The following ARHGEF28 variants were observed in gnomAD, a reference collection of about 807,000 sequenced individuals.
ARHGEF28 encodes Rho guanine nucleotide exchange factor 28.
A neutral mutation model predicts 206.6 loss-of-function variants in ARHGEF28; 152 were observed. That is an observed-to-expected ratio of 0.74 (90% CI 0.64 to 0.84). The LOEUF is 0.84. Ranked by LOEUF, ARHGEF28 falls within the 40% of genes least tolerant of loss-of-function variation. ARHGEF28 has a pLI of 0.00. For missense variants in ARHGEF28, 2,028 were observed against 2,073.2 expected, an observed-to-expected ratio of 0.98 and a Z score of 0.42; for synonymous variants, 763 against 776.4, an observed-to-expected ratio of 0.98 and a Z score of 0.29.
intron 9 of ARHGEF28, among the ~76,000 whole-genome samples, chr5:73,815,052 C>G (rs1756100982): frequency 6.6e-6 from 1 of 151,640 alleles, no homozygotes; most frequent in African/African-American, 2.4e-5. Flanking sequence ...ATTGATTTTT[C>G]TATTTTATTG....
intron 16 of ARHGEF28, among the ~76,000 whole-genome samples, chr5:73,860,935 T>C (rs1759359613): frequency 1.3e-5 from 2 of 152,188 alleles, no homozygotes; most frequent in African/African-American, 4.8e-5. Context: ...CTGCCTCTGC[T>C]ATTTTGCCTG....
chr5:73,824,617 G>A (rs929301185), intron 9 of ARHGEF28, among the ~76,000 whole-genome samples: 4 of 152,032 alleles, frequency 2.6e-5, no homozygotes, highest in Admixed American at 6.6e-5. Context: ...TACAGCATGC[G>A]CCATCACGCC....
At chr5:73,712,195 A>G (rs1749292541) in intron 2 of ARHGEF28, among the ~76,000 whole-genome samples, 1 of 152,072 alleles carries the variant, frequency 6.6e-6, no homozygotes, top group African/African-American at 2.4e-5. Context: ...CTAATATTTT[A>G]TTGATAAGTT....
Position 73,870,069 on chromosome 5 carries a change from A to G in ARHGEF28, c.2426A>G (p.Asp809Gly). ...SPSTESFIME[D>G]VVDSSLWSDL... ...CTTTTCTTTTCTAAACACACATTAG[A>G]TGTTGTGGATTCTTCTCTGTGGAGT... The change falls in exon 21 of 36, where the codon GAT (aspartate) becomes GGT (glycine). Residue 809 changes from aspartate to glycine, a missense_variant and splice_region_variant. Asp to Gly is a moderately conservative substitution (Grantham distance 94, BLOSUM62 -1). Coordinates refer to ENST00000513042, the MANE Select transcript of ARHGEF28 (RefSeq NM_001177693.2). 1.9e-6 allele frequency: 3 copies of G among 1,611,620 alleles called. No individual in the cohort carries two copies. In the East Asian group the frequency reaches 6.7e-5, roughly 36 times the overall value.
intron 35 of ARHGEF28, among the ~76,000 whole-genome samples, chr5:73,912,753 A>T (rs1485259855): frequency 6.6e-6 from 1 of 152,226 alleles, no homozygotes; most frequent in East Asian, 1.9e-4. Flanking sequence ...GAAAAATGTA[A>T]CTTCTTTAAT....
At chr5:73,795,873 A>G (rs1262961534) in intron 9 of ARHGEF28, among the ~76,000 whole-genome samples, 1 of 152,214 alleles carries the variant, frequency 6.6e-6, no homozygotes, top group African/African-American at 2.4e-5. Flanking sequence ...TGCTGAGCTC[A>G]GGAAAAGACC....
chr5:73,870,280 T>C (rs1017321987), intron 21 of ARHGEF28, 71 bp downstream of exon 21: 6 of 1,484,446 alleles, frequency 4.0e-6, no homozygotes, highest in East Asian at 4.8e-5. Context: ...AATTTGCAAC[T>C]GTGCAGAGTT....
At chr5:73,735,096 T>C (rs1429803336) in intron 2 of ARHGEF28, among the ~76,000 whole-genome samples, 2 of 152,120 alleles carry the variant, frequency 1.3e-5, no homozygotes, top group Non-Finnish European at 2.9e-5. Context: ...ACTCATTAGA[T>C]ATTCAATAAA....
chr5:73,734,326 T>A (rs1750786981), intron 2 of ARHGEF28, among the ~76,000 whole-genome samples: 1 of 151,376 alleles, frequency 6.6e-6, no homozygotes, highest in Non-Finnish European at 1.5e-5. Flanking sequence ...CCCAGAAGAG[T>A]GGGGCCTTCC....
chr5:73,852,065 T>C (rs1176623957), intron 13 of ARHGEF28, among the ~76,000 whole-genome samples: 2 of 152,174 alleles, frequency 1.3e-5, no homozygotes, highest in Non-Finnish European at 2.9e-5. Flanking sequence ...GGAAACAAGA[T>C]GGCTCCAAGC....
intron 35 of ARHGEF28, among the ~76,000 whole-genome samples, chr5:73,924,892 CTG>C (rs918716502): frequency 6.6e-6 from 1 of 152,160 alleles, no homozygotes; most frequent in Non-Finnish European, 1.5e-5. Context: ...TTGAAATACA[CTG>C]TGGAAAAAAC....
Position 73,714,418 on chromosome 5 carries a change from C to T in ARHGEF28, c.33+29534C>T, listed in dbSNP as rs79460626. Among the ~76,000 whole-genome samples, 1,162 of 152,218 alleles carry T rather than the reference C, an allele frequency of 7.6e-3. 15 individuals are homozygous for T. The highest frequency in any genetic ancestry group is 0.026 in the African/African-American group (1,085 of 41,536). On this transcript the variant is annotated intron_variant, in intron 2 of 35. Coordinates refer to ENST00000513042, the MANE Select transcript of ARHGEF28 (RefSeq NM_001177693.2). ...TGGAACTGATCACGTGGTCCATCCCCGGGAGGCACTAAAGAATATCACCGG... is the reference window on the plus strand; with the variant it reads ...TGGAACTGATCACGTGGTCCATCCCTGGGAGGCACTAAAGAATATCACCGG...
rs988643199 is a variant in ARHGEF28 at position 73,710,100 on chromosome 5, T to C, written c.33+25216T>C. Among the ~76,000 whole-genome samples the C allele has an allele frequency of 4.6e-5, 7 of 152,356 alleles. No homozygotes were observed. The South Asian group carries it at 8.3e-4, about 18-fold the overall frequency. On this transcript the variant is annotated intron_variant, in intron 2 of 35. Transcript: ENST00000513042. Reference sequence around the variant, plus strand: ...TACTAAGAGTAGTATTCCTGGGTCTTATAAGCTATGTTTAATTTTATAAAA... The same window carrying C: ...TACTAAGAGTAGTATTCCTGGGTCTCATAAGCTATGTTTAATTTTATAAAA...
chr5:73,680,567 A>G (rs1414758986), intron 1 of ARHGEF28, among the ~76,000 whole-genome samples: 1 of 151,818 alleles, frequency 6.6e-6, no homozygotes, highest in Non-Finnish European at 1.5e-5. Context: ...TACAGTGTAC[A>G]CTGCTCGGGT....
chr5:73,806,252 C>T lies in ARHGEF28; in HGVS notation c.1024+10861C>T, dbSNP rs868258153. Among the ~76,000 whole-genome samples the T allele has an allele frequency of 2.4e-3, 324 of 133,092 alleles. 9 individuals are homozygous for T. The highest frequency in any genetic ancestry group is 8.8e-3 in the African/African-American group (310 of 35,168). 87.3% of individuals were successfully genotyped at this position (133,092 alleles called of 152,430 possible). A position where few individuals can be genotyped will look rare whatever the true frequency, so the allele number is the denominator to read the frequency against. On this transcript the variant is annotated intron_variant, in intron 9 of 35. Transcript: ENST00000513042. The stretch of plus-strand genomic sequence containing the variant: ...GTACATATCAATATATACTATATAT[C>T]GATATATAGTATATATAGATATATA...
chr5:73,744,285 C>G (rs973189522), intron 2 of ARHGEF28, among the ~76,000 whole-genome samples: 1 of 152,118 alleles, frequency 6.6e-6, no homozygotes, highest in Non-Finnish European at 1.5e-5. Flanking sequence ...CACGGTGCTT[C>G]CTTTGGTACC....
chr5:73,634,136 G>A (rs930147364), intron 1 of ARHGEF28, among the ~76,000 whole-genome samples: 1 of 151,912 alleles, frequency 6.6e-6, no homozygotes, highest in Non-Finnish European at 1.5e-5. Context: ...GTATCCATAG[G>A]TTTGATAAAC....
chr5:73,840,550 G>T lies in ARHGEF28; in HGVS notation c.1217G>T (p.Gly406Val). The change falls in exon 11 of 36, where the codon GGT becomes GTT. Residue 406 changes from glycine to valine, a missense_variant. Transcript: ENST00000513042. ...ITATTSPESR[G>V]CTLWPQSSKH... ...GCCACTACCAGCCCTGAATCCAGAG[G>T]TTGCACTCTGTGGCCTCAGAGCAGC... The T allele has an allele frequency of 6.2e-7, 1 of 1,613,780 alleles. No homozygotes were observed. Among genetic ancestry groups the T allele is most frequent in the Non-Finnish European group, 8.5e-7 (1 of 1,179,732 alleles).
intron 1 of ARHGEF28, among the ~76,000 whole-genome samples, chr5:73,633,820 AC>A (rs200107404): frequency 0.01 from 1,567 of 151,532 alleles, 14 homozygotes; most frequent in Non-Finnish European, 0.013. Flanking sequence ...CAGGTGATCT[AC>A]CCCCGTTGGC....
Sources: allele counts gnomAD v4.1 joint callset (sites outside exome capture counted in the v4.1 genomes callset), GRCh38; gene constraint gnomAD v4.1.1; transcripts MANE v1.5; gene names NCBI Gene and HGNC (gene_info 2026-07-23, HGNC 2026-07-21).